Variants in TXNDC11 observed in about 807,000 individuals in gnomAD.
TXNDC11 encodes the protein thioredoxin domain containing 11, also known as thioredoxin domain-containing protein 11.
TXNDC11 carries 68 observed loss-of-function variants against 78.0 expected under a neutral mutation model. The observed-to-expected ratio is 0.87, with a 90% CI of 0.72 to 1.07. TXNDC11 has a LOEUF of 1.07. Among genes scored for constraint, TXNDC11 ranks in the 50% least tolerant of loss-of-function variants. TXNDC11 has a pLI of 0.00. For synonymous variants in TXNDC11, 571 were observed against 495.2 expected (o/e 1.15, Z -2.03); for missense variants, 1,389 against 1,221.8 (o/e 1.14, Z -2.04).
At chr16:11,732,879 A>T (rs924694101) in intron 3 of TXNDC11, among the ~76,000 whole-genome samples, 3 of 152,176 alleles carry the variant, frequency 2.0e-5, no homozygotes, top group African/African-American at 7.2e-5. Flanking sequence ...GAAAAAGGAA[A>T]GCTCTCTACT....
intron 4 of TXNDC11, among the ~76,000 whole-genome samples, chr16:11,726,648 G>C (rs1171854060): frequency 6.6e-6 from 1 of 150,688 alleles, no homozygotes; most frequent in Non-Finnish European, 1.5e-5. Flanking sequence ...ATAGGCCTTT[G>C]AAAGGATTCA....
At chr16:11,703,415 G>GT (rs1443404905) in intron 5 of TXNDC11, among the ~76,000 whole-genome samples, 1 of 152,014 alleles carries the variant, frequency 6.6e-6, no homozygotes. Flanking sequence ...CACTGTTGCA[G>GT]TAAGAAGTTA....
At chr16:11,680,726 A>G (rs2050402130) in intron 11 of TXNDC11, among the ~76,000 whole-genome samples, 1 of 152,228 alleles carries the variant, frequency 6.6e-6, no homozygotes, top group Non-Finnish European at 1.5e-5. Flanking sequence ...ATGGAAGTCA[A>G]CAGCAGGGAC....
At chr16:11,700,292 G>A (rs1310671412) in intron 6 of TXNDC11, among the ~76,000 whole-genome samples, 160 bp downstream of exon 6, 1 of 152,162 alleles carries the variant, frequency 6.6e-6, no homozygotes. Flanking sequence ...TGGAGCCTGG[G>A]CTCTAGGGTG....
At position 11,703,575 on chromosome 16, in the gene TXNDC11, A is replaced by G. The variant is rs1485788347; in HGVS notation, c.794-3011T>C. 6.2e-6 allele frequency: 4 copies of G among 640,008 alleles called. No homozygotes were observed. In the African/African-American group the frequency reaches 7.3e-5, roughly 12 times the overall value. The allele number at this position is 640,008 out of a possible 1,614,324, so 39.6% of individuals were successfully genotyped here. A position where few individuals can be genotyped will look rare whatever the true frequency, so the allele number is the denominator to read the frequency against. Reference sequence around the variant, plus strand: ...AGAGAGAGGGGATGGATAGAGAAATACAGATATATGCACATGTGTGGGTAT... The same window carrying G: ...AGAGAGAGGGGATGGATAGAGAAATGCAGATATATGCACATGTGTGGGTAT... On this transcript the variant is annotated intron_variant, in intron 5 of 11. Transcript: ENST00000283033.
Position 11,694,765 on chromosome 16 carries a change from A to AAT in TXNDC11, c.1108-2684_1108-2683insAT, listed in dbSNP as rs2050815507. ...ACTGCGCCCAGCCAGCAATGCTCTT[A>AAT]AAGAGTTAGGCATTATCATTTTTCT... is the stretch of plus-strand genomic sequence containing the variant. On this transcript the variant is annotated intron_variant, in intron 7 of 11. Coordinates refer to ENST00000283033, the MANE Select transcript of TXNDC11 (RefSeq NM_015914.7). 2.0e-5 allele frequency among the ~76,000 whole-genome samples: 3 copies of AAT among 152,368 alleles called. No individual in the cohort carries two copies. The South Asian group carries it at 6.2e-4, about 32-fold the overall frequency.
chr16:11,741,448 T>C (rs984328482), intron 1 of TXNDC11, among the ~76,000 whole-genome samples: 1 of 152,172 alleles, frequency 6.6e-6, no homozygotes, highest in African/African-American at 2.4e-5. Context: ...GGCCTTTTTA[T>C]CAATTCCAGG....
intron 1 of TXNDC11, among the ~76,000 whole-genome samples, chr16:11,737,732 G>A (rs1448393231): frequency 6.6e-6 from 1 of 151,716 alleles, no homozygotes; most frequent in African/African-American, 2.4e-5. Flanking sequence ...CGGGCGTGGT[G>A]GCACATACCT....
chr16:11,715,980 G>A (rs183046920), intron 5 of TXNDC11, among the ~76,000 whole-genome samples: 3 of 152,208 alleles, frequency 2.0e-5, no homozygotes, highest in Middle Eastern at 3.4e-3. Context: ...TTCTTTACTC[G>A]CTTTATTACT....
rs139163229 is a variant in TXNDC11 at position 11,683,650 on chromosome 16, A to G, written c.2234+515T>C. On this transcript the variant is annotated intron_variant, in intron 11 of 11. Coordinates refer to ENST00000283033, the MANE Select transcript of TXNDC11 (RefSeq NM_015914.7). ...GCTAAGAATTCTCACGGCCACATTC[A>G]AGCTCGGGTAAGAGATAGACTGGGA... Among the ~76,000 whole-genome samples, 1,276 of 152,232 alleles carry G rather than the reference A, an allele frequency of 8.4e-3. 8 individuals carry two copies. The highest frequency in any genetic ancestry group is 0.013 in the Non-Finnish European group (891 of 68,016).
Position 11,700,537 on chromosome 16 carries a change from A to G in TXNDC11, c.821T>C (p.Val274Ala). 6.2e-7 allele frequency: 1 copy of G among 1,605,074 alleles called. No individual in the cohort carries two copies. The highest frequency in any genetic ancestry group is 8.5e-7 in the Non-Finnish European group (1 of 1,171,942). The part of the protein sequence containing the change: ...KDYLGTVRFG[V>A]ITNKHLAKLV... The stretch of plus-strand genomic sequence containing the variant: ...TTTCGCAAGATGTTTATTTGTGATA[A>G]CCCCAAATCGTACTGTTCCTAGGTA... Residue 274 changes from valine (V) to alanine (A), a missense_variant, in exon 6 of 12, where the codon GTT becomes GCT. Val to Ala is a moderately conservative substitution (Grantham distance 64). Coordinates refer to ENST00000283033, the MANE Select transcript of TXNDC11 (RefSeq NM_015914.7).
intron 1 of TXNDC11, among the ~76,000 whole-genome samples, chr16:11,738,019 A>T (rs2141127556): frequency 6.6e-6 from 1 of 152,340 alleles, no homozygotes; most frequent in East Asian, 1.9e-4. Flanking sequence ...GTAAATAGTG[A>T]GCATAAGAAA....
rs749013734 is a variant in TXNDC11 at position 11,679,428 on chromosome 16, C to CGGCCAGCTCCTGCAGCTTGCG, written c.2623_2643dup (p.Arg875_Ala881dup). 24 of 1,613,486 alleles carry CGGCCAGCTCCTGCAGCTTGCG rather than the reference C, an allele frequency of 1.5e-5. No homozygotes were observed. The African/African-American group carries it at 1.6e-4, about 11-fold the overall frequency. ...TCGGTAAGGAGGTTTTCTGAGGCAT[C>CGGCCAGCTCCTGCAGCTTGCG]GGCCAGCTCCTGCAGCTTGCGGGCC... On this transcript the variant is annotated inframe_insertion, in exon 12 of 12. Coordinates refer to ENST00000283033, the MANE Select transcript of TXNDC11 (RefSeq NM_015914.7). The surrounding 1 kb of genome is among the most constrained non-coding windows in gnomAD (Gnocchi z 4.6).
At chr16:11,705,894 C>T (rs1400865833) in intron 5 of TXNDC11, among the ~76,000 whole-genome samples, 2 of 152,158 alleles carry the variant, frequency 1.3e-5, no homozygotes, top group African/African-American at 4.8e-5. Flanking sequence ...GTCACATCTC[C>T]TTATCCAGAG....
intron 6 of TXNDC11, among the ~76,000 whole-genome samples, chr16:11,700,040 G>A (rs1261204750): frequency 6.6e-6 from 1 of 152,202 alleles, no homozygotes; most frequent in Non-Finnish European, 1.5e-5. Flanking sequence ...CATTACATCA[G>A]CTAAGGAGAA....
chr16:11,709,473 T>C (rs1207934200), intron 5 of TXNDC11, among the ~76,000 whole-genome samples: 3 of 130,632 alleles, frequency 2.3e-5, no homozygotes, highest in African/African-American at 9.0e-5. Context: ...CTCGCTCTGT[T>C]GCCCAGGCTG....
At chr16:11,684,767 G>C (rs1259335120) in intron 10 of TXNDC11, among the ~76,000 whole-genome samples, 3 of 152,210 alleles carry the variant, frequency 2.0e-5, no homozygotes, top group African/African-American at 7.2e-5. Context: ...CAATCACTGT[G>C]GGAGCTAACC....
At chr16:11,717,311 G>A (rs11861532) in intron 5 of TXNDC11, among the ~76,000 whole-genome samples, 45,745 of 150,992 alleles carry the variant, frequency 0.3, 8,667 homozygotes, top group Non-Finnish European at 0.43. Flanking sequence ...AGTAGTGGGC[G>A]CCTGTAGTCC....
chr16:11,691,732 T>TGC lies in TXNDC11; in HGVS notation c.1456_1457dup (p.Ser487HisfsTer5), dbSNP rs1267383814. 1.2e-6 allele frequency: 2 copies of TGC among 1,614,126 alleles called. No individual in the cohort carries two copies. Among genetic ancestry groups the TGC allele is most frequent in the African/African-American group, 2.7e-5 (2 of 74,952 alleles). The stretch of plus-strand genomic sequence containing the variant: ...AATTGCTGCATTCTATGCTGTCTGA[T>TGC]GCCACATGATAAAAGGTCTGCTCCT... On this transcript the variant is annotated frameshift_variant, in exon 8 of 12. Transcript: ENST00000283033. LOFTEE classifies it high-confidence loss of function.
Sources: allele counts gnomAD v4.1 joint callset (sites outside exome capture counted in the v4.1 genomes callset), GRCh38; gene constraint gnomAD v4.1.1; non-coding constraint Gnocchi (gnomAD v3.1); transcripts MANE v1.5; gene names NCBI Gene and HGNC (gene_info 2026-07-23, HGNC 2026-07-21).